RPS6KA2: variants seen among roughly 807,000 people sequenced by gnomAD.
RPS6KA2 encodes ribosomal protein S6 kinase A2, also known as ribosomal protein S6 kinase alpha-2.
RPS6KA2 carries 42 observed loss-of-function variants against 91.8 expected under a neutral mutation model. The observed-to-expected ratio is 0.46, with a 90% CI of 0.36 to 0.59. RPS6KA2 has a LOEUF of 0.59. RPS6KA2 is among the 20% of genes least tolerant of loss of function. The probability of loss-of-function intolerance (pLI) is 0.00; values close to 1 mark genes in which losing one functional copy is unlikely to be tolerated. For synonymous variants in RPS6KA2, 414 were observed against 393.6 expected (o/e 1.05, Z -0.61); for missense variants, 798 against 978.5 (o/e 0.82, Z 2.46).
intron 13 of RPS6KA2, among the ~76,000 whole-genome samples, chr6:166,450,676 CAGGGACCACCACAGGGACCACCACA>C (rs1779877780): frequency 2.8e-5 from 4 of 141,664 alleles, no homozygotes; most frequent in South Asian, 2.3e-4. Context: ...GGGACCACCA[CAGGGACCACCACAGGGACCACCACA>C]AGGGACCACC....
chr6:166,736,702 G>A (rs563066432), intron 2 of RPS6KA2, among the ~76,000 whole-genome samples: 33 of 152,252 alleles, frequency 2.2e-4, no homozygotes, highest in African/African-American at 7.9e-4. Context: ...CTGGCCGAGG[G>A]TCGCCACCCA....
intron 2 of RPS6KA2, among the ~76,000 whole-genome samples, chr6:166,730,758 A>G (rs1790487926): frequency 6.6e-6 from 1 of 152,186 alleles, no homozygotes; most frequent in East Asian, 1.9e-4. Flanking sequence ...GAATACGCAA[A>G]TTTATGTTCT....
At position 166,413,809 on chromosome 6, in the gene RPS6KA2, G is replaced by A. The variant is rs778142460; in HGVS notation, c.2061C>T (p.Asp687=). ...CTGCCGGTACCTTCACCAGGTGCAC[G>A]TCCTGTCGGCTGAGCTGGTTTGGGG... ...YLSPNQLSRQ[D]VHLVKGAMAA... is the part of the protein sequence containing the mutation. The change falls in exon 20 of 21, where the codon GAC becomes GAT. Residue 687 remains aspartate, a synonymous_variant. Coordinates refer to ENST00000265678, the MANE Select transcript of RPS6KA2 (RefSeq NM_021135.6). 2.6e-5 allele frequency: 42 copies of A among 1,613,994 alleles called. 1 individual carries two copies. The highest frequency in any genetic ancestry group is 3.4e-5 in the Non-Finnish European group (40 of 1,180,008).
At chr6:166,800,216 C>T (rs959849852) in intron 2 of RPS6KA2, among the ~76,000 whole-genome samples, 1 of 152,208 alleles carries the variant, frequency 6.6e-6, no homozygotes, top group Admixed American at 6.5e-5. Flanking sequence ...GGCAATTAGG[C>T]CAACGTACCA....
intron 14 of RPS6KA2, among the ~76,000 whole-genome samples, chr6:166,438,692 C>CACCT (rs1326204302): frequency 1.3e-5 from 2 of 152,194 alleles, no homozygotes; most frequent in African/African-American, 2.4e-5. Flanking sequence ...AGTGAACAGG[C>CACCT]ACGTATATTG....
chr6:166,521,736 G>C (rs968401876), intron 3 of RPS6KA2, among the ~76,000 whole-genome samples: 20 of 152,212 alleles, frequency 1.3e-4, no homozygotes, highest in Non-Finnish European at 2.2e-4. Flanking sequence ...TTAGACTTGA[G>C]TTGATGTGGG....
chr6:166,738,573 G>A (rs757673009), intron 2 of RPS6KA2, among the ~76,000 whole-genome samples: 1 of 152,124 alleles, frequency 6.6e-6, no homozygotes, highest in Non-Finnish European at 1.5e-5. Flanking sequence ...TTTCAAGCCC[G>A]GCGTGTGTAA....
At chr6:166,861,296 G>A (rs1204609169) in intron 1 of RPS6KA2, among the ~76,000 whole-genome samples, 2 of 152,234 alleles carry the variant, frequency 1.3e-5, no homozygotes, top group Non-Finnish European at 2.9e-5. Context: ...GGTTTGGTGA[G>A]TGATTACAAA....
intron 2 of RPS6KA2, among the ~76,000 whole-genome samples, chr6:166,744,973 C>T (rs1267248717): frequency 1.3e-5 from 2 of 152,108 alleles, no homozygotes; most frequent in Non-Finnish European, 2.9e-5. Flanking sequence ...ATAACAGAGG[C>T]TCGTGGTTGG....
chr6:166,775,222 T>C, intron 2 of RPS6KA2, among the ~76,000 whole-genome samples: 1 of 151,572 alleles, frequency 6.6e-6, no homozygotes, highest in South Asian at 2.1e-4. Flanking sequence ...CCCTGGGCCC[T>C]TCCTCCAAAA....
At chr6:166,637,191 C>T (rs115016885) in intron 2 of RPS6KA2, among the ~76,000 whole-genome samples, 2,290 of 152,276 alleles carry the variant, frequency 0.015, 60 homozygotes, top group African/African-American at 0.052. Flanking sequence ...GAGGGGAACG[C>T]GAGGAGGACA....
At chr6:166,506,646 C>G (rs1295989979) in intron 5 of RPS6KA2, among the ~76,000 whole-genome samples, 2 of 152,210 alleles carry the variant, frequency 1.3e-5, no homozygotes, top group Admixed American at 1.3e-4. Context: ...GTCCAAGGGA[C>G]TGCTGGACGC....
chr6:166,602,612 C>G (rs1033686202), intron 1 of RPS6KA2, among the ~76,000 whole-genome samples: 3 of 152,196 alleles, frequency 2.0e-5, no homozygotes, highest in African/African-American at 7.2e-5. Flanking sequence ...CATGCATACA[C>G]GAGATGACTC....
chr6:166,714,977 C>T (rs568254662), intron 2 of RPS6KA2, among the ~76,000 whole-genome samples: 6 of 152,338 alleles, frequency 3.9e-5, no homozygotes, highest in African/African-American at 7.2e-5. Context: ...CCTTCCCGTC[C>T]GGCCTGTGCT....
At chr6:166,552,110 A>G (rs1289299646) in intron 1 of RPS6KA2, among the ~76,000 whole-genome samples, 1 of 152,172 alleles carries the variant, frequency 6.6e-6, no homozygotes, top group Non-Finnish European at 1.5e-5. Context: ...TGCTGCTCCA[A>G]AGCAGCTCCC....
At chr6:166,553,749 G>C (rs1784092308) in intron 1 of RPS6KA2, among the ~76,000 whole-genome samples, 1 of 152,100 alleles carries the variant, frequency 6.6e-6, no homozygotes, top group South Asian at 2.1e-4. Context: ...GCTTTAAACA[G>C]ACTTGGCTAA....
rs409161 is a variant in RPS6KA2 at position 166,767,040 on chromosome 6, G to A, written c.123+91160C>T. On this transcript the variant is annotated intron_variant, in intron 2 of 21. Transcript: ENST00000503859. This position sits in a 1 kb window ranked among gnomAD's most constrained non-coding sequence, Gnocchi z 4.6. ...ACCCAGAAGTCTGCACCAACTCACC[G>A]CCACGAGAGTGAATGAAGGTCCCTT... is the stretch of plus-strand genomic sequence containing the variant. Among the ~76,000 whole-genome samples the A allele has an allele frequency of 0.25, 37,790 of 152,028 alleles. 5,590 individuals are homozygous for A. Among genetic ancestry groups the A allele is most frequent in the East Asian group, 0.58 (2,989 of 5,144 alleles).
At chr6:166,744,373 G>C (rs1228803475) in intron 2 of RPS6KA2, among the ~76,000 whole-genome samples, 1 of 152,180 alleles carries the variant, frequency 6.6e-6, no homozygotes, top group African/African-American at 2.4e-5. Flanking sequence ...GCAGACCTGA[G>C]ACGCGGCCCC....
chr6:166,750,213 GC>G (rs1791234644), intron 2 of RPS6KA2, among the ~76,000 whole-genome samples: 1 of 152,194 alleles, frequency 6.6e-6, no homozygotes, highest in Non-Finnish European at 1.5e-5. Context: ...GGATTAGCGT[GC>G]CCTGCAGTGC....
Sources: gnomAD v4.1 joint callset for allele counts (sites outside exome capture counted in the v4.1 genomes callset) on GRCh38, gnomAD v4.1.1 for gene constraint, Gnocchi (gnomAD v3.1) non-coding constraint, MANE v1.5 for transcripts, NCBI Gene and HGNC (gene_info 2026-07-23, HGNC 2026-07-21) for gene names.